The following HCN2 variants were observed in gnomAD, a reference collection of about 807,000 sequenced individuals.
HCN2 encodes potassium/sodium hyperpolarization-activated cyclic nucleotide-gated channel 2.
HCN2 carries 20 observed loss-of-function variants against 52.3 expected under a neutral mutation model. That is an observed-to-expected ratio of 0.38 (90% CI 0.27 to 0.56). The LOEUF (loss-of-function observed/expected upper bound fraction) is 0.56, where lower values mean the gene tolerates loss of function less well. Among genes scored for constraint, HCN2 ranks in the 20% least tolerant of loss-of-function variants. The pLI, the probability that HCN2 is intolerant of heterozygous loss-of-function variation, is 0.71. For missense variants in HCN2, 981 were observed against 1,207.7 expected (o/e 0.81, Z 2.78); for synonymous variants, 694 against 537.0 (o/e 1.29, Z -4.04).
At chr19:593,790 G>A (rs1210611550) in intron 1 of HCN2, among the ~76,000 whole-genome samples, 1 of 152,206 alleles carries the variant, frequency 6.6e-6, no homozygotes, top group East Asian at 1.9e-4. Context: ...CAAGGTTTTG[G>A]GTTCCAGAGG....
At chr19:600,487 C>T (rs1181189169) in intron 1 of HCN2, among the ~76,000 whole-genome samples, 3 of 152,100 alleles carry the variant, frequency 2.0e-5, no homozygotes, top group Non-Finnish European at 4.4e-5. Context: ...ACTACAGGCA[C>T]GTGCCATCAT....
At chr19:594,114 C>T (rs894829441) in intron 1 of HCN2, among the ~76,000 whole-genome samples, 4 of 150,770 alleles carry the variant, frequency 2.7e-5, no homozygotes, top group African/African-American at 9.9e-5. Flanking sequence ...AGGGTGTCTC[C>T]GCAGGAGAGG....
At chr19:593,837 G>T (rs1053581370) in intron 1 of HCN2, among the ~76,000 whole-genome samples, 3 of 152,192 alleles carry the variant, frequency 2.0e-5, no homozygotes, top group African/African-American at 7.2e-5. Flanking sequence ...CACGGTTGGT[G>T]CCTGAATTGG....
intron 5 of HCN2, among the ~76,000 whole-genome samples, chr19:612,999 C>G (rs1169622542): frequency 2.0e-5 from 3 of 152,216 alleles, no homozygotes; most frequent in African/African-American, 4.8e-5. Context: ...CCGCTCTTGT[C>G]TACAGCCGCC....
At chr19:604,023 TGGGCGGGGCCAAGGCAGCAG>T in intron 2 of HCN2, 56 bp downstream of exon 2, 1 of 732,870 alleles carries the variant, frequency 1.4e-6, no homozygotes, top group Non-Finnish European at 1.7e-6. Context: ...TAATGGTGCA[TGGGCGGGGCCAAGGCAGCAG>T]GGGCGGGGCT....
chr19:605,099 G>T lies in HCN2; in HGVS notation c.1095G>T (p.Met365Ile). ...CCTATGACCTGGCCAGCGCGGTGAT[G>T]AGGATCTGCAATCTCATCAGCATGA... is the stretch of plus-strand genomic sequence containing the variant. ...HMTYDLASAV[M>I]RICNLISMML... The change falls in exon 3 of 8, where the codon ATG becomes ATT. Residue 365 changes from methionine (M) to isoleucine (I), a missense_variant. Met to Ile is a conservative substitution (Grantham distance 10, BLOSUM62 1). Transcript: ENST00000251287. The T allele has an allele frequency of 6.2e-7, 1 of 1,611,982 alleles. No individual in the cohort carries two copies. The highest frequency in any genetic ancestry group is 1.3e-5 in the African/African-American group (1 of 74,928).
intron 1 of HCN2, among the ~76,000 whole-genome samples, chr19:595,502 G>A (rs1052003618): frequency 1.3e-5 from 2 of 151,920 alleles, no homozygotes; most frequent in Non-Finnish European, 2.9e-5. Context: ...AAGGGAACCC[G>A]GAGCATCAAC....
chr19:599,129 C>T (rs1418924712), intron 1 of HCN2, among the ~76,000 whole-genome samples: 8 of 152,380 alleles, frequency 5.3e-5, no homozygotes, highest in Admixed American at 2.6e-4. Flanking sequence ...TCCCTTCCAG[C>T]GTTTGGCTCT....
chr19:609,990 C>T (rs575372997), intron 4 of HCN2, among the ~76,000 whole-genome samples: 3 of 152,352 alleles, frequency 2.0e-5, no homozygotes, highest in East Asian at 1.9e-4. Flanking sequence ...TCTGGCCGCC[C>T]CTGTGTGTGG....
chr19:616,567 C>G lies in HCN2; in HGVS notation c.*93C>G. On this transcript the variant is annotated 3_prime_UTR_variant, in exon 8 of 8. Coordinates refer to ENST00000251287, the MANE Select transcript of HCN2 (RefSeq NM_001194.4). ...CCATTGCGCTGCCCCGGCCGCCAGT[C>G]CGCCCAGAAGCCATAGACGAGACGT... 2.6e-6 allele frequency: 2 copies of G among 765,234 alleles called. No homozygotes were observed. Among genetic ancestry groups the G allele is most frequent in the East Asian group, 5.5e-5 (1 of 18,188 alleles). The allele number at this position is 765,234 out of a possible 1,614,324, so 47.4% of individuals were successfully genotyped here.
chr19:598,087 G>C (rs1272596161), intron 1 of HCN2, among the ~76,000 whole-genome samples: 4 of 152,212 alleles, frequency 2.6e-5, no homozygotes, highest in African/African-American at 9.6e-5. Flanking sequence ...TCGGGGCTGA[G>C]GGGCAGGGGG....
chr19:604,585 G>C (rs1468514951), intron 2 of HCN2, among the ~76,000 whole-genome samples: 1 of 147,464 alleles, frequency 6.8e-6, no homozygotes, highest in African/African-American at 2.5e-5. Context: ...TGTGCTGAGC[G>C]GGGTCAGACA....
intron 1 of HCN2, among the ~76,000 whole-genome samples, chr19:599,715 G>A (rs1181141037): frequency 6.6e-6 from 1 of 152,134 alleles, no homozygotes; most frequent in East Asian, 1.9e-4. Flanking sequence ...GTGAACCCTG[G>A]AGGCGGAGCT....
Position 614,083 on chromosome 19 carries a change from GGAGA to G in HCN2, c.1990+69_1990+72del. 8 of 1,249,620 alleles carry G rather than the reference GGAGA, an allele frequency of 6.4e-6. No homozygotes were observed. In the African/African-American group the frequency reaches 1.1e-4, roughly 18 times the overall value. 77.4% of individuals were successfully genotyped at this position (1,249,620 alleles called of 1,614,324 possible). A position where few individuals can be genotyped will look rare whatever the true frequency, so the allele number is the denominator to read the frequency against. On this transcript the variant is annotated intron_variant, in intron 7 of 7. Coordinates refer to ENST00000251287, the MANE Select transcript of HCN2 (RefSeq NM_001194.4). The stretch of plus-strand genomic sequence containing the variant: ...GGGGAGGGGCGTGGCCAAGGCATCA[GGAGA>G]GTGGCTTGGACAGTGGCAGGGGGAA...
chr19:616,591 G>A lies in HCN2; in HGVS notation c.*117G>A, dbSNP rs1420737436. On this transcript the variant is annotated 3_prime_UTR_variant, in exon 8 of 8. Coordinates refer to ENST00000251287, the MANE Select transcript of HCN2 (RefSeq NM_001194.4). ...TCCGCCCAGAAGCCATAGACGAGAC[G>A]TAGGTAGCCGTAGTTGGACGGACGG... 1.6e-5 allele frequency: 9 copies of A among 572,006 alleles called. No homozygotes were observed. Among genetic ancestry groups the A allele is most frequent in the African/African-American group, 8.1e-5 (4 of 49,344 alleles). The allele number at this position is 572,006 out of a possible 1,614,324, so 35.4% of individuals were successfully genotyped here. A position where few individuals can be genotyped will look rare whatever the true frequency, so the allele number is the denominator to read the frequency against.
At chr19:615,103 C>T (rs1260250857) in intron 7 of HCN2, among the ~76,000 whole-genome samples, 2 of 151,960 alleles carry the variant, frequency 1.3e-5, no homozygotes, top group East Asian at 1.9e-4. Flanking sequence ...CAGGTGTTTT[C>T]GGTATGCCTG....
intron 5 of HCN2, 131 bp from the exon 6 acceptor site, chr19:613,117 C>T (rs1035044234): frequency 4.1e-5 from 52 of 1,265,034 alleles, no homozygotes; most frequent in Admixed American, 3.9e-4. Flanking sequence ...AGCTCGGTTC[C>T]GGCTACGGGG....
chr19:608,939 G>GT (rs1438479686), intron 4 of HCN2, among the ~76,000 whole-genome samples: 1 of 152,204 alleles, frequency 6.6e-6, no homozygotes, highest in Non-Finnish European at 1.5e-5. Flanking sequence ...GCTGGGAGGG[G>GT]TGGAGGGAGA....
At chr19:598,885 G>A (rs1983116679) in intron 1 of HCN2, among the ~76,000 whole-genome samples, 2 of 152,366 alleles carry the variant, frequency 1.3e-5, no homozygotes, top group South Asian at 4.1e-4. Flanking sequence ...TGGAATTACA[G>A]GCGTGAGCCA....
Sources: allele counts gnomAD v4.1 joint callset (sites outside exome capture counted in the v4.1 genomes callset), GRCh38; gene constraint gnomAD v4.1.1; transcripts MANE v1.5; gene names NCBI Gene and HGNC (gene_info 2026-07-23, HGNC 2026-07-21).